Variants in CWC27 observed in about 807,000 individuals in gnomAD.
CWC27 encodes spliceosome-associated protein CWC27 homolog.
In CWC27, 47 loss-of-function variants were observed where a neutral mutation model predicts 63.6. That is an observed-to-expected ratio of 0.74 (90% confidence interval 0.58 to 0.94). CWC27 has a LOEUF of 0.94. Among genes scored for constraint, CWC27 ranks in the 40% least tolerant of loss-of-function variants. The pLI is 0.00. For synonymous variants in CWC27, 175 were observed against 179.8 expected, an observed-to-expected ratio of 0.97 and a Z score of 0.22; for missense variants, 495 against 554.3, an observed-to-expected ratio of 0.89 and a Z score of 1.07.
chr5:64,850,316 G>T (rs1339213654), intron 10 of CWC27, among the ~76,000 whole-genome samples: 1 of 151,622 alleles, frequency 6.6e-6, no homozygotes, highest in African/African-American at 2.4e-5. Context: ...TTTGACAAAG[G>T]GCCAAAAACC....
chr5:64,975,101 G>A (rs1027144424), intron 12 of CWC27, among the ~76,000 whole-genome samples: 13 of 152,192 alleles, frequency 8.5e-5, no homozygotes, highest in African/African-American at 3.1e-4. Flanking sequence ...CTATGATAAT[G>A]TGTGTATTTT....
Position 64,826,085 on chromosome 5 carries a change from A to G in CWC27, c.938+21699A>G, listed in dbSNP as rs11744144. On this transcript the variant is annotated intron_variant, in intron 10 of 13. Transcript: ENST00000381070. ...CTAATTCTTTGTAATAAATCTATCT[A>G]TCTATCTATCTATCTATCTATCTAT... Among the ~76,000 whole-genome samples the G allele has an allele frequency of 6.2e-4, 44 of 70,510 alleles. 1 individual carries two copies. Among genetic ancestry groups the G allele is most frequent in the East Asian group, 2.8e-3 (4 of 1,430 alleles). 46.3% of individuals were successfully genotyped at this position (70,510 alleles called of 152,430 possible).
intron 11 of CWC27, among the ~76,000 whole-genome samples, chr5:64,970,729 A>G (rs989676260): frequency 2.0e-5 from 3 of 152,166 alleles, no homozygotes; most frequent in African/African-American, 7.2e-5. Flanking sequence ...ATATTAGGTA[A>G]CCACAAAAAG....
At chr5:64,958,640 G>A (rs1580749559) in intron 11 of CWC27, among the ~76,000 whole-genome samples, 2 of 152,060 alleles carry the variant, frequency 1.3e-5, no homozygotes, top group Admixed American at 1.3e-4. Context: ...TTTTAAAACA[G>A]AATCCAATCT....
intron 11 of CWC27, among the ~76,000 whole-genome samples, chr5:64,957,719 T>G (rs945699249): frequency 1.1e-4 from 16 of 152,182 alleles, no homozygotes; most frequent in African/African-American, 3.9e-4. Context: ...GTAGACCCAC[T>G]GTTTAATAAA....
intron 13 of CWC27, among the ~76,000 whole-genome samples, chr5:64,981,992 A>G (rs752761774): frequency 2.6e-5 from 4 of 152,212 alleles, no homozygotes; most frequent in African/African-American, 4.8e-5. Context: ...GCCATCAGTC[A>G]GACAGTTTGC....
chr5:64,980,428 C>G (rs1210908477), intron 13 of CWC27, among the ~76,000 whole-genome samples: 2 of 152,126 alleles, frequency 1.3e-5, no homozygotes, highest in East Asian at 3.8e-4. Flanking sequence ...AAAAAAGTTA[C>G]AAGAAAGATA....
intron 10 of CWC27, among the ~76,000 whole-genome samples, chr5:64,831,009 ATGT>A: frequency 1.3e-5 from 2 of 152,094 alleles, no homozygotes; most frequent in South Asian, 4.2e-4. Context: ...GGATTTGAAT[ATGT>A]TGTCTATTAT....
intron 13 of CWC27, among the ~76,000 whole-genome samples, chr5:65,003,846 CTT>C (rs67780986): frequency 9.9e-4 from 138 of 139,572 alleles, no homozygotes; most frequent in Non-Finnish European, 1.2e-3. Flanking sequence ...TTTTATTTGA[CTT>C]TTTTTTTTTT....
chr5:64,807,057 G>T (rs1744702750), intron 10 of CWC27, among the ~76,000 whole-genome samples: 1 of 152,138 alleles, frequency 6.6e-6, no homozygotes, highest in African/African-American at 2.4e-5. Context: ...TAGGATGTCA[G>T]TGTGATATCA....
chr5:64,981,733 T>A (rs1389973441), intron 13 of CWC27, among the ~76,000 whole-genome samples: 1 of 152,260 alleles, frequency 6.6e-6, no homozygotes, highest in Non-Finnish European at 1.5e-5. Flanking sequence ...AAGAGATTAA[T>A]GTTTTAGAAG....
At chr5:64,807,727 TACTC>T (rs757830218) in intron 10 of CWC27, 1 of 1,535,910 alleles carries the variant, frequency 6.5e-7, no homozygotes, top group Non-Finnish European at 8.7e-7. Flanking sequence ...GCTTCCTTAT[TACTC>T]ACTCGCCACA....
chr5:64,851,094 A>G (rs921060143), intron 10 of CWC27, among the ~76,000 whole-genome samples: 1 of 152,330 alleles, frequency 6.6e-6, no homozygotes, highest in South Asian at 2.1e-4. Flanking sequence ...AGATGTCTAC[A>G]CTACATGTTC....
intron 6 of CWC27, 135 bp downstream of exon 6, chr5:64,786,762 G>A: frequency 1.7e-6 from 1 of 579,562 alleles, no homozygotes. Context: ...TTGGAATTAT[G>A]AGTGTGTGGT....
At chr5:64,784,943 A>T (rs1468452577) in intron 4 of CWC27, among the ~76,000 whole-genome samples, 1 of 152,190 alleles carries the variant, frequency 6.6e-6, no homozygotes. Context: ...AGTTTTTACA[A>T]TTGGGTTATA....
chr5:64,812,430 A>G (rs557062823), intron 10 of CWC27, among the ~76,000 whole-genome samples: 1 of 152,272 alleles, frequency 6.6e-6, no homozygotes, highest in South Asian at 2.1e-4. Context: ...AGCAGACAGT[A>G]AAAGAAAGGA....
At chr5:64,976,536 A>AT (rs1315542997) in intron 12 of CWC27, among the ~76,000 whole-genome samples, 2 of 151,538 alleles carry the variant, frequency 1.3e-5, no homozygotes, top group East Asian at 1.9e-4. Flanking sequence ...ATTTTATTTT[A>AT]TTTATTTATT....
chr5:64,883,382 C>T (rs1471213975), intron 10 of CWC27, among the ~76,000 whole-genome samples: 1 of 152,096 alleles, frequency 6.6e-6, no homozygotes, highest in Non-Finnish European at 1.5e-5. Context: ...TAAGGCAAAA[C>T]ATCTACATTT....
At chr5:64,821,617 C>T (rs1229383471) in intron 10 of CWC27, among the ~76,000 whole-genome samples, 2 of 152,086 alleles carry the variant, frequency 1.3e-5, no homozygotes, top group South Asian at 2.1e-4. Context: ...TAGTACTAAC[C>T]CTTAGTTTTT....
Sources: allele counts gnomAD v4.1 joint callset (sites outside exome capture counted in the v4.1 genomes callset), GRCh38; gene constraint gnomAD v4.1.1; transcripts MANE v1.5; gene names NCBI Gene and HGNC (gene_info 2026-07-23, HGNC 2026-07-21).